The following FANCF variants were observed in gnomAD, a reference collection of about 807,000 sequenced individuals.
FANCF encodes the protein FA complementation group F, also known as Fanconi anemia group F protein.
For missense variants in FANCF, 552 were observed against 481.8 expected (o/e 1.15, Z -1.36); for synonymous variants, 257 against 205.9 (o/e 1.25, Z -2.13).
chr11:22,625,752 G>A lies in FANCF; in HGVS notation c.59C>T (p.Thr20Ile). 1.2e-6 allele frequency: 2 copies of A among 1,614,214 alleles called. No individual in the cohort carries two copies. Among genetic ancestry groups the A allele is most frequent in the Non-Finnish European group, 1.7e-6 (2 of 1,180,048 alleles). ...RFSELLAVSS[T>I]TYVSTWDPAT... ...GGGGTCCCAGGTGCTGACGTAGGTA[G>A]TGCTTGAGACCGCCAGAAGCTCGGA... is the stretch of plus-strand genomic sequence containing the variant. The change falls in exon 1 of 1, where the codon ACT (threonine) becomes ATT (isoleucine). Residue 20 changes from threonine to isoleucine, a missense_variant. Physicochemically the swap from Thr to Ile is moderately conservative, Grantham distance 89. Coordinates refer to ENST00000327470, the MANE Select transcript of FANCF (RefSeq NM_022725.4).
Position 22,625,217 on chromosome 11 carries a change from C to A in FANCF, c.594G>T (p.Gln198His). The change falls in exon 1 of 1, where the codon CAG (glutamine) becomes CAT (histidine). Residue 198 changes from glutamine (Q) to histidine (H), a missense_variant. Coordinates refer to ENST00000327470, the MANE Select transcript of FANCF (RefSeq NM_022725.4). Reference sequence around the variant, plus strand: ...CCGCTATCACCTTCAGGAAGTTGTTCTGAGGCAAGCGCTCCCACAGGCTGC... The same window carrying A: ...CCGCTATCACCTTCAGGAAGTTGTTATGAGGCAAGCGCTCCCACAGGCTGC... ...FLSSLWERLP[Q>H]NNFLKVIAVA... The A allele has an allele frequency of 6.2e-7, 1 of 1,614,016 alleles. No homozygotes were observed. Among genetic ancestry groups the A allele is most frequent in the African/African-American group, 1.3e-5 (1 of 75,052 alleles).
rs1858614312 is a variant in FANCF, at chr11:22,624,748, G to A, written c.1063C>T (p.Arg355Cys). Residue 355 changes from arginine (R) to cysteine (C), a missense_variant, in exon 1 of 1, where the codon CGT (arginine) becomes TGT (cysteine). Coordinates refer to ENST00000327470, the MANE Select transcript of FANCF (RefSeq NM_022725.4). Reference sequence around the variant, plus strand: ...TGTCTTTTCCTAAATGCACCACTACGAAGAGCTAATAAGAGGTCTGTCCAG... The same window carrying A: ...TGTCTTTTCCTAAATGCACCACTACAAAGAGCTAATAAGAGGTCTGTCCAG... The part of the protein sequence containing the change: ...SIWTDLLLAL[R>C]SGAFRKRQVL... 2 of 1,614,128 alleles carry A rather than the reference G, an allele frequency of 1.2e-6. No individual in the cohort carries two copies. The highest frequency in any genetic ancestry group is 1.7e-6 in the Non-Finnish European group (2 of 1,180,026).
rs866690784 is a variant in FANCF, at chr11:22,622,737, C to T, written c.*1949G>A. The T allele has an allele frequency of 5.7e-5, 11 of 192,700 alleles. No homozygotes were observed. The highest frequency in any genetic ancestry group is 3.1e-4 in the Admixed American group (5 of 16,364). The allele number at this position is 192,700 out of a possible 1,614,324, so 11.9% of individuals were successfully genotyped here. A position where few individuals can be genotyped will look rare whatever the true frequency, so the allele number is the denominator to read the frequency against. On this transcript the variant is annotated 3_prime_UTR_variant, in exon 1 of 1. Transcript: ENST00000327470. The stretch of plus-strand genomic sequence containing the variant: ...CTTTCATGTTGCTTTTGTTTATACC[C>T]TTGGGCATTTTACTTAATCTTTTAG...
In FANCF at chr11:22,625,246, G is replaced by C; in HGVS notation, c.565C>G (p.Leu189Val). ...GGCAAGCGCTCCCACAGGCTGCTGA[G>C]AAACCTGGCGGGACGCTCCGCTTCG... ...KAEAERPARF[L>V]SSLWERLPQN... Residue 189 changes from leucine to valine, a missense_variant, in exon 1 of 1, where the codon CTC (leucine) becomes GTC (valine). By Grantham distance (32) the Leu-to-Val change is conservative. Transcript: ENST00000327470. 1 of 1,614,162 alleles carries C rather than the reference G, an allele frequency of 6.2e-7. No individual in the cohort carries two copies. The highest frequency in any genetic ancestry group is 8.5e-7 in the Non-Finnish European group (1 of 1,180,050).
Position 22,624,783 on chromosome 11 carries a change from C to T in FANCF, c.1028G>A (p.Gly343Asp). Reference protein sequence around the residue: ...KAQDGDFEVPGLSIWTDLLLA... With the variant: ...KAQDGDFEVPDLSIWTDLLLA... The stretch of plus-strand genomic sequence containing the variant: ...TAAGAGGTCTGTCCAGATGCTAAGA[C>T]CAGGTACTTCAAAATCTCCATCCTG... The change falls in exon 1 of 1, where the codon GGT becomes GAT. Residue 343 changes from glycine to aspartate, a missense_variant. Gly to Asp is a moderately conservative substitution (Grantham distance 94). Coordinates refer to ENST00000327470, the MANE Select transcript of FANCF (RefSeq NM_022725.4). 6.2e-7 allele frequency: 1 copy of T among 1,614,158 alleles called. No individual in the cohort carries two copies. The highest frequency in any genetic ancestry group is 8.5e-7 in the Non-Finnish European group (1 of 1,180,022).
Position 22,624,218 on chromosome 11 carries a change from AG to A in FANCF, c.*467del, listed in dbSNP as rs2133795646. On this transcript the variant is annotated 3_prime_UTR_variant, in exon 1 of 1. Transcript: ENST00000327470. ...AGGCTGGTTAACTGGTTAGAATACT[AG>A]GTTAACAAGGCCAAACTCCAGATAG... The A allele has an allele frequency of 3.7e-6, 1 of 271,650 alleles. No homozygotes were observed. Among genetic ancestry groups the A allele is most frequent in the African/African-American group, 2.2e-5 (1 of 46,088 alleles). The allele number at this position is 271,650 out of a possible 1,614,324, so 16.8% of individuals were successfully genotyped here. A position where few individuals can be genotyped will look rare whatever the true frequency, so the allele number is the denominator to read the frequency against.
Position 22,625,405 on chromosome 11 carries a change from G to C in FANCF, c.406C>G (p.Leu136Val). Reference protein sequence around the residue: ...EETLQESLARLARRRSAVHML... With the variant: ...EETLQESLARVARRRSAVHML... The stretch of plus-strand genomic sequence containing the variant: ...TGCACCGCAGACCGCCGGCGGGCAA[G>C]GCGGGCCAGGCTCTCTTGGAGTGTC... The change falls in exon 1 of 1, where the codon CTT becomes GTT. Residue 136 changes from leucine (L) to valine (V), a missense_variant. Leu to Val is a conservative substitution (Grantham distance 32). Transcript: ENST00000327470. The C allele has an allele frequency of 6.2e-7, 1 of 1,614,180 alleles. No homozygotes were observed. The highest frequency in any genetic ancestry group is 8.5e-7 in the Non-Finnish European group (1 of 1,180,040).
Position 22,625,504 on chromosome 11 carries a change from G to A in FANCF, c.307C>T (p.Leu103Phe). Residue 103 changes from leucine (L) to phenylalanine (F), a missense_variant, in exon 1 of 1, where the codon CTC (leucine) becomes TTC (phenylalanine). Leu to Phe is a conservative substitution (Grantham distance 22). Transcript: ENST00000327470. ...LSLRLLENRA[L>F]GDAARYHLVQ... is the part of the protein sequence containing the mutation. ...AGGTGGTAACGAGCTGCATCCCCGAGGGCCCGGTTCTCCAGCAGGCGCAGA... is the reference window on the plus strand; with the variant it reads ...AGGTGGTAACGAGCTGCATCCCCGAAGGCCCGGTTCTCCAGCAGGCGCAGA... 1.2e-6 allele frequency: 2 copies of A among 1,614,236 alleles called. No homozygotes were observed.
chr11:22,625,530 G>C lies in FANCF; in HGVS notation c.281C>G (p.Ser94Cys), dbSNP rs1454810693. 2 of 1,614,090 alleles carry C rather than the reference G, an allele frequency of 1.2e-6. No individual in the cohort carries two copies. Among genetic ancestry groups the C allele is most frequent in the East Asian group, 2.2e-5 (1 of 44,896 alleles). ...GGCCCGGTTCTCCAGCAGGCGCAGA[G>C]AGAGCAGGACGTCACAGTGACCGAG... Reference protein sequence around the residue: ...QALGHCDVLLSLRLLENRALG... With the variant: ...QALGHCDVLLCLRLLENRALG... Residue 94 changes from serine (S) to cysteine (C), a missense_variant, in exon 1 of 1, where the codon TCT becomes TGT. Coordinates refer to ENST00000327470, the MANE Select transcript of FANCF (RefSeq NM_022725.4).
chr11:22,622,891 TAAGTC>T lies in FANCF; in HGVS notation c.*1790_*1794del. 5.2e-6 allele frequency: 1 copy of T among 193,438 alleles called. No individual in the cohort carries two copies. The highest frequency in any genetic ancestry group is 1.1e-5 in the Non-Finnish European group (1 of 92,778). The allele number at this position is 193,438 out of a possible 1,614,324, so 12.0% of individuals were successfully genotyped here. ...AAATAGATTTTAAAATGTTATTTCT[TAAGTC>T]TATTGTCAATCTTTACAATTTTATT... On this transcript the variant is annotated 3_prime_UTR_variant, in exon 1 of 1. Coordinates refer to ENST00000327470, the MANE Select transcript of FANCF (RefSeq NM_022725.4).
At position 22,625,040 on chromosome 11, in the gene FANCF, G is replaced by T. The variant is rs373854592; in HGVS notation, c.771C>A (p.Ala257=). ...VFAAFCRALP[A]GLLTLVTSRH... is the part of the protein sequence containing the mutation. ...GGCTAGTCACTAAAGTCAAAAGCCCGGCTGGGAGGGCGCGACAAAAGGCAG... is the reference window on the plus strand; with the variant it reads ...GGCTAGTCACTAAAGTCAAAAGCCCTGCTGGGAGGGCGCGACAAAAGGCAG... Residue 257 remains alanine (A), a synonymous_variant, in exon 1 of 1, where the codon GCC becomes GCA. Transcript: ENST00000327470. The T allele has an allele frequency of 3.7e-6, 6 of 1,614,056 alleles. No homozygotes were observed. In the Admixed American group the frequency reaches 1.0e-4, roughly 27 times the overall value.
In FANCF at chr11:22,624,727, T is replaced by G. The variant is rs1312050727; in HGVS notation, c.1084A>C (p.Arg362=). 1.2e-6 allele frequency: 2 copies of G among 1,614,216 alleles called. No individual in the cohort carries two copies. The highest frequency in any genetic ancestry group is 4.5e-5 in the East Asian group (2 of 44,884). The stretch of plus-strand genomic sequence containing the variant: ...CCTGCGCTGAGACCCAAAACTTGTC[T>G]TTTCCTAAATGCACCACTACGAAGA... ...LALRSGAFRK[R]QVLGLSAGLS... Residue 362 remains arginine (R), a synonymous_variant, in exon 1 of 1, where the codon AGA becomes CGA. Coordinates refer to ENST00000327470, the MANE Select transcript of FANCF (RefSeq NM_022725.4).
Position 22,624,488 on chromosome 11 carries a change from A to G in FANCF, c.*198T>C. ...CATGGCTTTAAGTGGAGTACTTCCA[A>G]TCACTTCCTCTATCCAGAAAATCCG... On this transcript the variant is annotated 3_prime_UTR_variant, in exon 1 of 1. Coordinates refer to ENST00000327470, the MANE Select transcript of FANCF (RefSeq NM_022725.4). 1.6e-6 allele frequency: 1 copy of G among 610,658 alleles called. No homozygotes were observed. Among genetic ancestry groups the G allele is most frequent in the Non-Finnish European group, 2.9e-6 (1 of 348,514 alleles). The allele number at this position is 610,658 out of a possible 1,614,324, so 37.8% of individuals were successfully genotyped here.
chr11:22,624,166 T>C lies in FANCF; in HGVS notation c.*520A>G, dbSNP rs1362662100. Reference sequence around the variant, plus strand: ...TGCAGAAAATGAGAAACAAACTTTCTGAACAATACAATTTTAATGCATACT... The same window carrying C: ...TGCAGAAAATGAGAAACAAACTTTCCGAACAATACAATTTTAATGCATACT... On this transcript the variant is annotated 3_prime_UTR_variant, in exon 1 of 1. Coordinates refer to ENST00000327470, the MANE Select transcript of FANCF (RefSeq NM_022725.4). The C allele has an allele frequency of 4.1e-6, 1 of 241,934 alleles. No individual in the cohort carries two copies. 15.0% of individuals were successfully genotyped at this position (241,934 alleles called of 1,614,324 possible). A position where few individuals can be genotyped will look rare whatever the true frequency, so the allele number is the denominator to read the frequency against.
In FANCF at chr11:22,625,431, T is replaced by C. The variant is rs1216924776; in HGVS notation, c.380A>G (p.Glu127Gly). Residue 127 changes from glutamate to glycine, a missense_variant, in exon 1 of 1, where the codon GAG becomes GGG. Physicochemically the swap from Glu to Gly is moderately conservative, Grantham distance 98 (BLOSUM62 -2). Transcript: ENST00000327470. ...GCGGGCCAGGCTCTCTTGGAGTGTC[T>C]CCTCATCGGCGTCCCGGACGCCCGG... ...PGPGVRDADE[E>G]TLQESLARLA... 3.1e-6 allele frequency: 5 copies of C among 1,613,976 alleles called. No homozygotes were observed. The East Asian group carries it at 8.9e-5, about 29-fold the overall frequency.
Position 22,624,591 on chromosome 11 carries a change from A to C in FANCF, c.*95T>G. Reference sequence around the variant, plus strand: ...CAAAATTAGCATCTAAAATAATTATACTTTGGACACACGAAGGCATATATT... The same window carrying C: ...CAAAATTAGCATCTAAAATAATTATCCTTTGGACACACGAAGGCATATATT... On this transcript the variant is annotated 3_prime_UTR_variant, in exon 1 of 1. Transcript: ENST00000327470. 1 of 1,066,390 alleles carries C rather than the reference A, an allele frequency of 9.4e-7. No homozygotes were observed. The highest frequency in any genetic ancestry group is 1.4e-6 in the Non-Finnish European group (1 of 697,828). The allele number at this position is 1,066,390 out of a possible 1,614,324, so 66.1% of individuals were successfully genotyped here.
rs746120363 is a variant in FANCF at position 22,624,859 on chromosome 11, G to T, written c.952C>A (p.Pro318Thr). 1 of 1,613,978 alleles carries T rather than the reference G, an allele frequency of 6.2e-7. No homozygotes were observed. The highest frequency in any genetic ancestry group is 1.6e-4 in the Middle Eastern group (1 of 6,084). ...HNRFQSLCQA[P>T]PPLKDKVLTA... Reference sequence around the variant, plus strand: ...AGAACTTTATCTTTCAGAGGTGGAGGGGCCTGACAGAGGCTTTGAAACCTA... The same window carrying T: ...AGAACTTTATCTTTCAGAGGTGGAGTGGCCTGACAGAGGCTTTGAAACCTA... The change falls in exon 1 of 1, where the codon CCT (proline) becomes ACT (threonine). Residue 318 changes from proline to threonine, a missense_variant. By Grantham distance (38) the Pro-to-Thr change is conservative. Transcript: ENST00000327470.
In FANCF at chr11:22,623,209, C is replaced by A. The variant is rs1331577042; in HGVS notation, c.*1477G>T. On this transcript the variant is annotated 3_prime_UTR_variant, in exon 1 of 1. Transcript: ENST00000327470. ...TTTATCTAGAAAAGTGTACTGACTA[C>A]TGGAATAATAGTTTACCCCTGGGTT... The A allele has an allele frequency of 4.7e-6, 1 of 213,616 alleles. No homozygotes were observed. Among genetic ancestry groups the A allele is most frequent in the Non-Finnish European group, 9.5e-6 (1 of 105,702 alleles). The allele number at this position is 213,616 out of a possible 1,614,324, so 13.2% of individuals were successfully genotyped here. A position where few individuals can be genotyped will look rare whatever the true frequency, so the allele number is the denominator to read the frequency against.
At position 22,625,118 on chromosome 11, in the gene FANCF, T is replaced by G; in HGVS notation, c.693A>C (p.Gly231=). 1.2e-6 allele frequency: 2 copies of G among 1,609,560 alleles called. No homozygotes were observed. Among genetic ancestry groups the G allele is most frequent in the Non-Finnish European group, 1.7e-6 (2 of 1,177,196 alleles). ...ELEPGIHKSP[G]EGSQVLVHWL... The stretch of plus-strand genomic sequence containing the variant: ...AGTGGACTAGCACTTGGCTCCCCTC[T>G]CCAGGTGATTTGTGGATGCCGGGTT... Residue 231 remains glycine, a synonymous_variant, in exon 1 of 1, where the codon GGA becomes GGC. Transcript: ENST00000327470.
Sources: gnomAD v4.1 joint callset for allele counts on GRCh38, gnomAD v4.1.1 for gene constraint, MANE v1.5 for transcripts, NCBI Gene and HGNC (gene_info 2026-07-23, HGNC 2026-07-21) for gene names.